DYNC1I1: variants seen among roughly 807,000 people sequenced by gnomAD.
DYNC1I1 encodes the protein dynein cytoplasmic 1 intermediate chain 1.
A neutral mutation model predicts 86.6 loss-of-function variants in DYNC1I1; 43 were observed. That is an observed-to-expected ratio of 0.50 (90% confidence interval 0.39 to 0.64). DYNC1I1 has a LOEUF of 0.64. Among genes scored for constraint, DYNC1I1 ranks in the 30% least tolerant of loss-of-function variants. The pLI is 0.00. For synonymous variants in DYNC1I1, 262 were observed against 283.7 expected, an observed-to-expected ratio of 0.92 and a Z score of 0.77; for missense variants, 604 against 788.8, an observed-to-expected ratio of 0.77 and a Z score of 2.81.
intron 6 of DYNC1I1, among the ~76,000 whole-genome samples, chr7:95,927,004 T>C (rs961205655): frequency 6.6e-6 from 1 of 152,254 alleles, no homozygotes; most frequent in East Asian, 1.9e-4. Context: ...ATACTCAAAA[T>C]ATATGACAAT....
intron 2 of DYNC1I1, among the ~76,000 whole-genome samples, chr7:95,806,849 TTGTTCTGAGC>T (rs1794712532): frequency 6.6e-6 from 1 of 152,278 alleles, no homozygotes; most frequent in African/African-American, 2.4e-5. Flanking sequence ...CTGACTTGGT[TTGTTCTGAGC>T]AGCCAAGGCT....
chr7:95,941,708 C>G (rs1330567756), intron 6 of DYNC1I1, among the ~76,000 whole-genome samples: 1 of 152,216 alleles, frequency 6.6e-6, no homozygotes, highest in Non-Finnish European at 1.5e-5. Context: ...CATCTGTCAC[C>G]CCTTTCTTTG....
chr7:95,913,380 C>G (rs1310489937), intron 6 of DYNC1I1, among the ~76,000 whole-genome samples: 3 of 151,986 alleles, frequency 2.0e-5, no homozygotes, highest in African/African-American at 7.3e-5. Flanking sequence ...GTGTCCCCAC[C>G]CAGATCTCAC....
At chr7:95,903,538 G>A (rs1482236465) in intron 6 of DYNC1I1, among the ~76,000 whole-genome samples, 1 of 152,196 alleles carries the variant, frequency 6.6e-6, no homozygotes, top group African/African-American at 2.4e-5. Context: ...CAAAGAGGCA[G>A]ACAGGAGACT....
chr7:96,039,891 G>A (rs1242690453), intron 14 of DYNC1I1, among the ~76,000 whole-genome samples: 1 of 151,672 alleles, frequency 6.6e-6, no homozygotes, highest in Non-Finnish European at 1.5e-5. Flanking sequence ...TTTTTATTTT[G>A]AGCTATTGGA....
intron 1 of DYNC1I1, among the ~76,000 whole-genome samples, chr7:95,803,066 C>A (rs1422245950): frequency 1.3e-5 from 2 of 152,188 alleles, no homozygotes; most frequent in African/African-American, 4.8e-5. Flanking sequence ...TGTAGTAGGT[C>A]AGAGCACGGA....
intron 16 of DYNC1I1, among the ~76,000 whole-genome samples, chr7:96,084,432 T>C (rs74914951): frequency 0.034 from 4,897 of 145,944 alleles, 238 homozygotes; most frequent in East Asian, 0.23. Flanking sequence ...TTTCTCTTTT[T>C]TTTTCTTTTC....
At chr7:95,871,686 G>T (rs984666401) in intron 6 of DYNC1I1, among the ~76,000 whole-genome samples, 1 of 152,138 alleles carries the variant, frequency 6.6e-6, no homozygotes, top group African/African-American at 2.4e-5. Context: ...AGGATGAAAA[G>T]GCATCAGCTC....
chr7:95,983,002 C>T (rs1562962882), intron 7 of DYNC1I1, among the ~76,000 whole-genome samples: 1 of 152,138 alleles, frequency 6.6e-6, no homozygotes, highest in Non-Finnish European at 1.5e-5. Context: ...TAGGTATCAT[C>T]CCCATTTCAT....
intron 10 of DYNC1I1, among the ~76,000 whole-genome samples, chr7:96,018,516 C>T (rs145248894): frequency 6.6e-6 from 1 of 152,152 alleles, no homozygotes; most frequent in Non-Finnish European, 1.5e-5. Context: ...TTTTGGAATG[C>T]TGGCCGCAAG....
At chr7:95,851,492 C>G (rs1789577752) in intron 5 of DYNC1I1, among the ~76,000 whole-genome samples, 1 of 152,116 alleles carries the variant, frequency 6.6e-6, no homozygotes, top group Non-Finnish European at 1.5e-5. Flanking sequence ...GAAAGCAAAA[C>G]CTTGGATAAA....
chr7:96,047,622 C>G (rs1789257706), intron 14 of DYNC1I1, among the ~76,000 whole-genome samples: 1 of 152,128 alleles, frequency 6.6e-6, no homozygotes, highest in African/African-American at 2.4e-5. Context: ...AAAGGGAAGA[C>G]AGTAGACACA....
chr7:95,986,023 C>CGTTTGTGTGT (rs1554426354), intron 8 of DYNC1I1, among the ~76,000 whole-genome samples: 1 of 132,656 alleles, frequency 7.5e-6, no homozygotes, highest in Admixed American at 7.9e-5. Flanking sequence ...CCTGGCAGGA[C>CGTTTGTGTGT]GTGTGTGTGT....
chr7:96,020,887 A>G (rs561758150), intron 10 of DYNC1I1, among the ~76,000 whole-genome samples: 66 of 152,202 alleles, frequency 4.3e-4, no homozygotes, highest in Non-Finnish European at 7.1e-4. Context: ...GAAATAGCCA[A>G]TCACAAAAGG....
At chr7:96,064,380 C>T (rs1789893825) in intron 14 of DYNC1I1, among the ~76,000 whole-genome samples, 1 of 152,102 alleles carries the variant, frequency 6.6e-6, no homozygotes, top group Non-Finnish European at 1.5e-5. Context: ...TGCTTTGTCC[C>T]TGTGATCCAC....
chr7:95,800,894 C>T (rs1423063071), intron 1 of DYNC1I1, among the ~76,000 whole-genome samples: 2 of 152,334 alleles, frequency 1.3e-5, no homozygotes, highest in East Asian at 1.9e-4. Context: ...TTTTGCTCCT[C>T]GATTTGCTTT....
intron 16 of DYNC1I1, among the ~76,000 whole-genome samples, chr7:96,089,093 C>CAT (rs1449572390): frequency 6.7e-6 from 1 of 149,594 alleles, no homozygotes; most frequent in Non-Finnish European, 1.5e-5. Context: ...AGAAAGTGAA[C>CAT]ATAAACTAAT....
At chr7:96,044,181 A>G (rs1789138765) in intron 14 of DYNC1I1, among the ~76,000 whole-genome samples, 1 of 152,192 alleles carries the variant, frequency 6.6e-6, no homozygotes, top group Non-Finnish European at 1.5e-5. Flanking sequence ...AAGCTGGATG[A>G]TTGATATTAG....
chr7:96,033,372 G>T (rs1369388631), intron 12 of DYNC1I1, among the ~76,000 whole-genome samples: 1 of 152,254 alleles, frequency 6.6e-6, no homozygotes, highest in African/African-American at 2.4e-5. Flanking sequence ...ACCAAACAAA[G>T]GAATAGAAGT....
Sources: gnomAD v4.1 joint callset for allele counts (sites outside exome capture counted in the v4.1 genomes callset) on GRCh38, gnomAD v4.1.1 for gene constraint, MANE v1.5 for transcripts, NCBI Gene and HGNC (gene_info 2026-07-23, HGNC 2026-07-21) for gene names.